Variants in DPP10 observed in about 807,000 individuals in gnomAD.
DPP10 encodes dipeptidyl peptidase like 10.
A neutral mutation model predicts 120.9 loss-of-function variants in DPP10; 33 were observed. The ratio of observed to expected loss-of-function variants is 0.27; its 90% CI spans 0.21 to 0.37. The LOEUF (loss-of-function observed/expected upper bound fraction) is 0.37, where lower values mean the gene tolerates loss of function less well. Among genes scored for constraint, DPP10 ranks in the 10% least tolerant of loss-of-function variants. DPP10 has a pLI of 1.00. For missense variants in DPP10, 816 were observed against 942.8 expected, an observed-to-expected ratio of 0.87 and a Z score of 1.76; for synonymous variants, 337 against 326.1, an observed-to-expected ratio of 1.03 and a Z score of -0.36.
chr2:115,641,694 A>C (rs1404496712), intron 5 of DPP10, among the ~76,000 whole-genome samples: 1 of 152,212 alleles, frequency 6.6e-6, no homozygotes, highest in East Asian at 1.9e-4. Context: ...TTCCTAGAAG[A>C]ATGCCTGTCA....
chr2:115,414,808 C>A (rs1278779030), intron 3 of DPP10, among the ~76,000 whole-genome samples: 1 of 152,138 alleles, frequency 6.6e-6, no homozygotes, highest in Admixed American at 6.6e-5. Context: ...TTGGACAATT[C>A]ATGCATCAAA....
Position 115,327,186 on chromosome 2 carries a change from T to C in DPP10, c.176-16631T>C, listed in dbSNP as rs1054405748. ...CAGTGCACTAACAGGCAGTACAGGTTTGCAGCCTAGCAGTAATAGGCTGTA... is the reference window on the plus strand; with the variant it reads ...CAGTGCACTAACAGGCAGTACAGGTCTGCAGCCTAGCAGTAATAGGCTGTA... On this transcript the variant is annotated intron_variant, in intron 2 of 25. Transcript: ENST00000410059. Among the ~76,000 whole-genome samples the C allele has an allele frequency of 7.9e-5, 12 of 152,212 alleles. No individual in the cohort carries two copies. In the East Asian group the frequency reaches 2.3e-3, roughly 29 times the overall value.
intron 1 of DPP10, among the ~76,000 whole-genome samples, chr2:114,456,073 G>C (rs1678570545): frequency 6.6e-6 from 1 of 152,042 alleles, no homozygotes; most frequent in South Asian, 2.1e-4. Flanking sequence ...TGACAGGTGG[G>C]TCTTTTCAAA....
chr2:114,794,425 G>A (rs545645462), intron 1 of DPP10, among the ~76,000 whole-genome samples: 2 of 152,146 alleles, frequency 1.3e-5, no homozygotes, highest in African/African-American at 2.4e-5. Context: ...AGGGTGTTCC[G>A]TTCCATTGTT....
intron 1 of DPP10, among the ~76,000 whole-genome samples, chr2:115,216,739 C>T (rs1339778950): frequency 1.3e-5 from 2 of 151,914 alleles, no homozygotes; most frequent in Admixed American, 6.6e-5. Flanking sequence ...GAGCCCGGAT[C>T]GTGCCATGGC....
intron 1 of DPP10, among the ~76,000 whole-genome samples, chr2:115,210,264 T>C (rs963616060): frequency 6.6e-6 from 1 of 152,084 alleles, no homozygotes; most frequent in Non-Finnish European, 1.5e-5. Context: ...AGTGAGAACA[T>C]GTGGTGTTTG....
chr2:114,957,704 C>T (rs965310539), intron 1 of DPP10, among the ~76,000 whole-genome samples: 9 of 151,808 alleles, frequency 5.9e-5, no homozygotes, highest in African/African-American at 1.5e-4. Context: ...AAGTGTACAT[C>T]GAAGAATGAA....
intron 1 of DPP10, among the ~76,000 whole-genome samples, chr2:114,610,812 C>G (rs975079226): frequency 1.3e-5 from 2 of 152,090 alleles, no homozygotes; most frequent in East Asian, 3.9e-4. Context: ...GTGTTCCTGC[C>G]CAGTCTTGCC....
intron 4 of DPP10, among the ~76,000 whole-genome samples, chr2:115,518,981 A>G (rs577877055): frequency 8.5e-4 from 129 of 152,182 alleles, no homozygotes; most frequent in Non-Finnish European, 1.4e-3. Flanking sequence ...TCATTAGACC[A>G]GCACAAACTG....
intron 1 of DPP10, among the ~76,000 whole-genome samples, chr2:115,038,148 T>G (rs544261162): frequency 2.0e-5 from 3 of 152,318 alleles, no homozygotes; most frequent in African/African-American, 7.2e-5. Context: ...GAGGGGCATA[T>G]GAACAATGAA....
At position 115,768,346 on chromosome 2, in the gene DPP10, T is replaced by C. The variant is rs1191870262; in HGVS notation, c.1163T>C (p.Val388Ala). The C allele has an allele frequency of 6.2e-7, 1 of 1,613,602 alleles. No individual in the cohort carries two copies. Among genetic ancestry groups the C allele is most frequent in the East Asian group, 2.2e-5 (1 of 44,872 alleles). Residue 388 changes from valine (V) to alanine (A), a missense_variant, in exon 13 of 26, where the codon GTG becomes GCG. By Grantham distance (64) the Val-to-Ala change is moderately conservative. This residue lies in a region of DPP10 where 592 missense variants were observed against 649.0 expected (regional missense o/e 0.91). Coordinates refer to ENST00000410059, the MANE Select transcript of DPP10 (RefSeq NM_020868.6). ...GACGGCAGCAAATTCTTTATGACAG[T>C]GCCTGTTAAGCAAGGGGGACGTGGA... is the stretch of plus-strand genomic sequence containing the variant. ...SRDGSKFFMTVPVKQGGRGEF... is the reference protein window; with the variant it reads ...SRDGSKFFMTAPVKQGGRGEF...
intron 1 of DPP10, among the ~76,000 whole-genome samples, chr2:114,627,833 A>C (rs1694630292): frequency 6.6e-6 from 1 of 152,166 alleles, no homozygotes; most frequent in Non-Finnish European, 1.5e-5. Flanking sequence ...ATGCAAGACT[A>C]TCTTGGGATT....
intron 5 of DPP10, among the ~76,000 whole-genome samples, chr2:115,623,815 A>G (rs2149291606): frequency 6.6e-6 from 1 of 152,302 alleles, no homozygotes; most frequent in East Asian, 1.9e-4. Flanking sequence ...AAGGTACCTG[A>G]GCACCAGATC....
At chr2:114,488,841 A>T (rs1321347296) in intron 1 of DPP10, among the ~76,000 whole-genome samples, 2 of 152,084 alleles carry the variant, frequency 1.3e-5, no homozygotes, top group African/African-American at 2.4e-5. Context: ...GCATAGGCTT[A>T]TGCTCTGTGT....
intron 1 of DPP10, among the ~76,000 whole-genome samples, chr2:114,736,650 A>G (rs114582682): frequency 3.9e-4 from 59 of 152,284 alleles, no homozygotes; most frequent in African/African-American, 1.3e-3. Context: ...TGTCTCCTTC[A>G]TTTTTCTGAA....
In DPP10 at chr2:115,696,078, G is replaced by C. The variant is rs2091572904; in HGVS notation, c.576+6157G>C. ...AGTATTAGGAACATAAAAAATAAAAGACTGAAGAAAAATAAACAGAACCTA... is the reference window on the plus strand; with the variant it reads ...AGTATTAGGAACATAAAAAATAAAACACTGAAGAAAAATAAACAGAACCTA... On this transcript the variant is annotated intron_variant, in intron 7 of 25. Transcript: ENST00000410059. Among the ~76,000 whole-genome samples the C allele has an allele frequency of 1.3e-5, 2 of 151,924 alleles. 1 individual carries two copies. Among genetic ancestry groups the C allele is most frequent in the African/African-American group, 4.8e-5 (2 of 41,362 alleles).
chr2:115,064,608 G>A (rs937905281), intron 1 of DPP10: 32 of 1,235,574 alleles, frequency 2.6e-5, no homozygotes, highest in South Asian at 1.4e-4. Flanking sequence ...GGGCACTGAC[G>A]TAGATTCTTT....
At chr2:115,038,258 T>TTTTATTTA (rs80087104) in intron 1 of DPP10, among the ~76,000 whole-genome samples, 32 of 149,996 alleles carry the variant, frequency 2.1e-4, no homozygotes, top group Non-Finnish European at 3.3e-4. Context: ...TTATTTATTA[T>TTTTATTTA]TTTATTTATT....
At chr2:115,236,977 A>T (rs978759055) in intron 1 of DPP10, among the ~76,000 whole-genome samples, 1 of 152,196 alleles carries the variant, frequency 6.6e-6, no homozygotes, top group African/African-American at 2.4e-5. Flanking sequence ...ACAATGTTGA[A>T]AATCAGTGAT....
Sources: allele counts gnomAD v4.1 joint callset (sites outside exome capture counted in the v4.1 genomes callset), GRCh38; gene constraint gnomAD v4.1.1; regional missense constraint gnomAD v4.1.1; transcripts MANE v1.5; gene names NCBI Gene and HGNC (gene_info 2026-07-23, HGNC 2026-07-21).